Variants in EPHA7 observed in about 807,000 individuals in gnomAD.
EPHA7 encodes EPH receptor A7.
Under a neutral mutation model 112.6 loss-of-function variants are expected in EPHA7, and 25 were observed. The ratio of observed to expected loss-of-function variants is 0.22; its 90% confidence interval spans 0.16 to 0.31. The LOEUF is 0.31. EPHA7 is among the 10% of genes least tolerant of loss of function. The pLI, the probability that EPHA7 is intolerant of heterozygous loss-of-function variation, is 1.00. For missense variants in EPHA7, 962 were observed against 1,212.6 expected (o/e 0.79, Z 3.07); for synonymous variants, 437 against 406.5 (o/e 1.07, Z -0.90).
intron 5 of EPHA7, among the ~76,000 whole-genome samples, chr6:93,300,646 T>C (rs1031466862): frequency 2.0e-5 from 3 of 152,204 alleles, no homozygotes; most frequent in Non-Finnish European, 4.4e-5. Context: ...ATTCTCCCAA[T>C]TGACCTTCAT....
At chr6:93,393,367 T>C (rs928370360) in intron 3 of EPHA7, among the ~76,000 whole-genome samples, 1 of 151,870 alleles carries the variant, frequency 6.6e-6, no homozygotes, top group Non-Finnish European at 1.5e-5. Flanking sequence ...TTGAGTGATG[T>C]AGTTCAATCA....
intron 14 of EPHA7, among the ~76,000 whole-genome samples, chr6:93,247,471 T>A (rs1342149957): frequency 1.3e-5 from 2 of 152,172 alleles, no homozygotes; most frequent in Non-Finnish European, 2.9e-5. Flanking sequence ...ACATGAGTCT[T>A]TTAAATAATA....
At chr6:93,382,215 C>G (rs888332513) in intron 3 of EPHA7, among the ~76,000 whole-genome samples, 1 of 152,084 alleles carries the variant, frequency 6.6e-6, no homozygotes, top group Non-Finnish European at 1.5e-5. Context: ...GACAATTTTT[C>G]CATAAATGGG....
chr6:93,414,640 G>A (rs576856806), intron 2 of EPHA7, 63 bp downstream of exon 2: 6 of 1,254,642 alleles, frequency 4.8e-6, no homozygotes, highest in Admixed American at 1.7e-5. Flanking sequence ...TTACCCTGGA[G>A]GGAAGGGAAA....
chr6:93,253,312 A>T (rs1363028480), intron 14 of EPHA7, among the ~76,000 whole-genome samples: 1 of 152,100 alleles, frequency 6.6e-6, no homozygotes, highest in African/African-American at 2.4e-5. Flanking sequence ...CAAATGAAAA[A>T]GTTTTATGTC....
chr6:93,330,764 C>T (rs527497817), intron 5 of EPHA7, among the ~76,000 whole-genome samples: 2 of 151,422 alleles, frequency 1.3e-5, no homozygotes, highest in African/African-American at 4.8e-5. Context: ...GCAGATAGCT[C>T]TTCAATATGC....
intron 3 of EPHA7, among the ~76,000 whole-genome samples, chr6:93,361,401 AAC>A (rs1776254910): frequency 6.6e-6 from 1 of 152,088 alleles, no homozygotes; most frequent in Non-Finnish European, 1.5e-5. Context: ...CTCTTATAAT[AAC>A]AGTGATCTAC....
intron 5 of EPHA7, among the ~76,000 whole-genome samples, chr6:93,344,035 T>A (rs1775268859): frequency 6.6e-6 from 1 of 151,606 alleles, no homozygotes; most frequent in Non-Finnish European, 1.5e-5. Context: ...TTTAGGTGGT[T>A]ATACTTTTTA....
At position 93,410,603 on chromosome 6, in the gene EPHA7, T is replaced by C. The variant is rs2127994375; in HGVS notation, c.730A>G (p.Asn244Asp). Residue 244 changes from asparagine to aspartate, a missense_variant, in exon 3 of 17, where the codon AAC becomes GAC. By Grantham distance (23) the Asn-to-Asp change is conservative. Transcript: ENST00000369303. This position sits in a 1 kb window ranked among gnomAD's most constrained non-coding sequence, Gnocchi z 4.0. Reference protein sequence around the residue: ...CVSSAEEEAENAPRMHCSAEG... With the variant: ...CVSSAEEEAEDAPRMHCSAEG... ...GCACTGCAGTGCATCCTGGGGGCGTTTTCCGCTTCTTCCTCTGCACTGCTG... is the reference window on the plus strand; with the variant it reads ...GCACTGCAGTGCATCCTGGGGGCGTCTTCCGCTTCTTCCTCTGCACTGCTG... 1 of 1,614,006 alleles carries C rather than the reference T, an allele frequency of 6.2e-7. No homozygotes were observed. Among genetic ancestry groups the C allele is most frequent in the Non-Finnish European group, 8.5e-7 (1 of 1,179,950 alleles).
At chr6:93,291,994 T>C (rs1234947078) in intron 5 of EPHA7, among the ~76,000 whole-genome samples, 3 of 152,074 alleles carry the variant, frequency 2.0e-5, no homozygotes, top group Non-Finnish European at 4.4e-5. Context: ...AAAAAATATT[T>C]TCAAATCAAC....
intron 5 of EPHA7, among the ~76,000 whole-genome samples, chr6:93,349,514 G>C (rs1196389522): frequency 1.3e-5 from 2 of 151,922 alleles, no homozygotes; most frequent in Non-Finnish European, 2.9e-5. Context: ...GTGTACATAT[G>C]AATGTATGTT....
chr6:93,264,450 G>T, intron 8 of EPHA7, 144 bp downstream of exon 8: 1 of 482,216 alleles, frequency 2.1e-6, no homozygotes, highest in Middle Eastern at 5.6e-4. Context: ...TTGAAGGAAT[G>T]ACACATTATT....
chr6:93,399,126 T>C (rs1778318257), intron 3 of EPHA7, among the ~76,000 whole-genome samples: 1 of 152,074 alleles, frequency 6.6e-6, no homozygotes, highest in South Asian at 2.1e-4. Context: ...AGAAATCACA[T>C]GGTAAAACAG....
chr6:93,255,366 C>T (rs1396339809), intron 13 of EPHA7, among the ~76,000 whole-genome samples: 1 of 151,544 alleles, frequency 6.6e-6, no homozygotes, highest in Non-Finnish European at 1.5e-5. Context: ...ACAACAACAA[C>T]AACAGCCACA....
intron 5 of EPHA7, among the ~76,000 whole-genome samples, chr6:93,311,124 T>TTTTTTTG (rs1773518292): frequency 7.2e-6 from 1 of 139,784 alleles, no homozygotes; most frequent in Admixed American, 7.2e-5. Flanking sequence ...ATTTTTTTTT[T>TTTTTTTG]TTTTTTTTTT....
intron 5 of EPHA7, among the ~76,000 whole-genome samples, chr6:93,302,907 C>T (rs566846111): frequency 6.2e-4 from 94 of 152,090 alleles, no homozygotes; most frequent in Non-Finnish European, 1.0e-3. Flanking sequence ...CTTATGCCTT[C>T]CAAGCTCTAG....
intron 5 of EPHA7, among the ~76,000 whole-genome samples, chr6:93,296,926 A>C (rs1327849326): frequency 6.6e-6 from 1 of 152,006 alleles, no homozygotes; most frequent in Non-Finnish European, 1.5e-5. Flanking sequence ...ATTCCTGCTA[A>C]ATGAGTAGAT....
At chr6:93,254,603 T>A (rs1562045921) in intron 14 of EPHA7, 44 bp downstream of exon 14, 1 of 1,549,266 alleles carries the variant, frequency 6.5e-7, no homozygotes, top group South Asian at 1.2e-5. Context: ...ATACTGGCCA[T>A]TAATGTATTC....
intron 9 of EPHA7, 103 bp from the exon 10 acceptor site, chr6:93,259,582 T>C: frequency 7.4e-7 from 1 of 1,359,406 alleles, no homozygotes; most frequent in Non-Finnish European, 1.0e-6. Context: ...ACAGTGAACT[T>C]GCTTCCACAT....
Sources: gnomAD v4.1 joint callset for allele counts (sites outside exome capture counted in the v4.1 genomes callset) on GRCh38, gnomAD v4.1.1 for gene constraint, Gnocchi (gnomAD v3.1) non-coding constraint, MANE v1.5 for transcripts, NCBI Gene and HGNC (gene_info 2026-07-23, HGNC 2026-07-21) for gene names.